The following KLHL4 variants were observed in gnomAD, a reference collection of about 807,000 sequenced individuals.
KLHL4 encodes the protein kelch like family member 4, also known as kelch-like protein 4.
Under a neutral mutation model 45.8 loss-of-function variants are expected in KLHL4, and 17 were observed. That is an observed-to-expected ratio of 0.37 (90% CI 0.25 to 0.56). The LOEUF (loss-of-function observed/expected upper bound fraction) is 0.56. KLHL4 is among the 20% of genes least tolerant of loss of function. KLHL4 has a pLI of 0.79. For missense variants in KLHL4, 544 were observed against 544.9 expected (o/e 1.00, Z 0.02); for synonymous variants, 224 against 189.9 (o/e 1.18, Z -1.47).
intron 1 of KLHL4, among the ~76,000 whole-genome samples, chrX:87,603,400 T>C (rs186637831): frequency 4.0e-4 from 44 of 111,335 alleles, no homozygotes; most frequent in Non-Finnish European, 6.8e-4. Flanking sequence ...CCTACAGGAA[T>C]GTTGATAAAT....
intron 1 of KLHL4, among the ~76,000 whole-genome samples, chrX:87,602,656 G>A (rs187985883): frequency 1.8e-5 from 2 of 111,443 alleles, no homozygotes; most frequent in East Asian, 5.6e-4. Context: ...TATGATGTTT[G>A]CACAAGAAAA....
chrX:87,639,572 G>T (rs963190548), intron 9 of KLHL4, among the ~76,000 whole-genome samples: 2 of 111,239 alleles, frequency 1.8e-5, no homozygotes, highest in African/African-American at 6.5e-5. Context: ...TCAAAACCAT[G>T]CAAGTACATG....
chrX:87,625,760 G>A lies in KLHL4; in HGVS notation c.1288G>A (p.Ala430Thr), dbSNP rs763501599. The change falls in exon 6 of 11, where the codon GCA becomes ACA. Residue 430 changes from alanine to threonine, a missense_variant. Coordinates refer to ENST00000373119, the MANE Select transcript of KLHL4 (RefSeq NM_019117.5). The part of the protein sequence containing the change: ...RTKPRKSTVG[A>T]LYAVGGMDAM... ...AAAGCCTAGAAAATCAACTGTGGGG[G>A]CACTTTATGCTGTAGGAGGCATGGA... 6.0e-5 allele frequency: 72 copies of A among 1,204,433 alleles called. No homozygotes were observed. The highest frequency in any genetic ancestry group is 7.7e-5 in the Non-Finnish European group (69 of 892,759).
chrX:87,641,722 A>G (rs1369086477), intron 9 of KLHL4, among the ~76,000 whole-genome samples: 1 of 111,180 alleles, frequency 9.0e-6, no homozygotes, highest in East Asian at 2.9e-4. Flanking sequence ...GAGTGAGATC[A>G]GCTCTTTGGT....
At chrX:87,652,065 A>C (rs145924438) in intron 9 of KLHL4, among the ~76,000 whole-genome samples, 1 of 112,482 alleles carries the variant, frequency 8.9e-6, no homozygotes, top group Non-Finnish European at 1.9e-5. Context: ...CACCACATGG[A>C]AGTTGCCAGG....
intron 1 of KLHL4, among the ~76,000 whole-genome samples, chrX:87,608,614 G>A (rs1397379931): frequency 9.0e-6 from 1 of 111,349 alleles, no homozygotes. Context: ...CAGGACACCA[G>A]CATCTGCAAG....
chrX:87,663,982 A>G (rs1924284817), intron 9 of KLHL4, among the ~76,000 whole-genome samples: 1 of 111,894 alleles, frequency 8.9e-6, no homozygotes, highest in African/African-American at 3.2e-5. Flanking sequence ...ATAGGCCAAT[A>G]TAAAGTCAGG....
intron 3 of KLHL4, among the ~76,000 whole-genome samples, chrX:87,617,091 T>C (rs1922582011): frequency 8.9e-6 from 1 of 111,826 alleles, no homozygotes; most frequent in Non-Finnish European, 1.9e-5. Flanking sequence ...ATTTTTGCAA[T>C]AACTATTCAA....
chrX:87,660,947 G>A (rs1250275505), intron 9 of KLHL4, among the ~76,000 whole-genome samples: 1 of 112,397 alleles, frequency 8.9e-6, no homozygotes. Flanking sequence ...AACCCACGTT[G>A]TTTTTTACAG....
intron 1 of KLHL4, among the ~76,000 whole-genome samples, chrX:87,541,533 G>A (rs1029847363): frequency 5.5e-4 from 58 of 105,222 alleles, no homozygotes; most frequent in African/African-American, 1.8e-3. Context: ...TTTCCTCTGC[G>A]TTCTCTCTGT....
At chrX:87,640,836 C>T (rs1278828220) in intron 9 of KLHL4, among the ~76,000 whole-genome samples, 3 of 111,451 alleles carry the variant, frequency 2.7e-5, no homozygotes, top group Admixed American at 1.9e-4. Flanking sequence ...GAAGTCCTAG[C>T]CAGAGCAGTC....
At chrX:87,558,953 A>G (rs1486404410) in intron 1 of KLHL4, among the ~76,000 whole-genome samples, 1 of 112,095 alleles carries the variant, frequency 8.9e-6, no homozygotes, top group Non-Finnish European at 1.9e-5. Context: ...TTTGTTGGAT[A>G]TTATAGAAGC....
intron 1 of KLHL4, among the ~76,000 whole-genome samples, chrX:87,598,069 C>G (rs1452148756): frequency 1.8e-5 from 2 of 108,896 alleles, no homozygotes; most frequent in Admixed American, 2.0e-4. Context: ...TATTTCTATT[C>G]TGTTTTGAAA....
At chrX:87,658,801 T>C (rs758568458) in intron 9 of KLHL4, among the ~76,000 whole-genome samples, 1 of 110,878 alleles carries the variant, frequency 9.0e-6, no homozygotes, top group African/African-American at 3.3e-5. Context: ...TAATTTGCCC[T>C]CTTTAAAAAA....
intron 1 of KLHL4, among the ~76,000 whole-genome samples, chrX:87,612,360 A>G (rs5924062): frequency 0.38 from 41,638 of 110,679 alleles, 6,046 homozygotes; most frequent in Middle Eastern, 0.46. Flanking sequence ...ATGAAAAAAT[A>G]CTTACTATTG....
intron 1 of KLHL4, among the ~76,000 whole-genome samples, chrX:87,556,934 G>A (rs1931992332): frequency 9.0e-6 from 1 of 111,442 alleles, no homozygotes; most frequent in Non-Finnish European, 1.9e-5. Flanking sequence ...GCGCTTTATT[G>A]TGACTGACAG....
rs776915484 is a variant in KLHL4 at position 87,666,752 on chromosome X, G to A, written c.*218G>A. On this transcript the variant is annotated 3_prime_UTR_variant, in exon 11 of 11. Coordinates refer to ENST00000373119, the MANE Select transcript of KLHL4 (RefSeq NM_019117.5). ...TGAATTATTAAGCATATGTGCTTTCGCAGCTGATAATATAAAAGGAAATCC... is the reference window on the plus strand; with the variant it reads ...TGAATTATTAAGCATATGTGCTTTCACAGCTGATAATATAAAAGGAAATCC... 2.5e-5 allele frequency: 23 copies of A among 926,588 alleles called. No individual in the cohort carries two copies. The South Asian group carries it at 3.1e-4, about 12-fold the overall frequency. 76.4% of individuals were successfully genotyped at this position (926,588 alleles called of 1,213,427 possible).
Position 87,563,840 on chromosome X carries a change from A to G in KLHL4, c.422+45525A>G, listed in dbSNP as rs187179217. On this transcript the variant is annotated intron_variant, in intron 1 of 10. Transcript: ENST00000373119. The stretch of plus-strand genomic sequence containing the variant: ...CCCAAAGGTCATGGATAATGAAAGG[A>G]TGCTCAAAGCAACAAGGAAAAAGAT... Among the ~76,000 whole-genome samples the G allele has an allele frequency of 4.1e-3, 456 of 111,225 alleles. 5 individuals are homozygous for G. The highest frequency in any genetic ancestry group is 0.014 in the African/African-American group (440 of 30,711).
chrX:87,644,448 T>G (rs1024431712), intron 9 of KLHL4, among the ~76,000 whole-genome samples: 1 of 109,933 alleles, frequency 9.1e-6, no homozygotes, highest in Non-Finnish European at 1.9e-5. Flanking sequence ...CATGGATGGG[T>G]AGAATCAATA....
Sources: gnomAD v4.1 joint callset for allele counts (sites outside exome capture counted in the v4.1 genomes callset) on GRCh38, gnomAD v4.1.1 for gene constraint, MANE v1.5 for transcripts, NCBI Gene and HGNC (gene_info 2026-07-23, HGNC 2026-07-21) for gene names.